CDKAL1: variants seen among roughly 807,000 people sequenced by gnomAD.
CDKAL1 encodes CDKAL1 threonylcarbamoyladenosine tRNA methylthiotransferase, also known as threonylcarbamoyladenosine tRNA methylthiotransferase.
In CDKAL1, 32 loss-of-function variants were observed where a neutral mutation model predicts 68.2. The observed-to-expected ratio is 0.47, with a 90% CI of 0.35 to 0.63. The LOEUF is 0.63. CDKAL1 is among the 30% of genes least tolerant of loss of function. CDKAL1 has a pLI of 0.00. For synonymous variants in CDKAL1, 234 were observed against 244.3 expected (o/e 0.96, Z 0.39); for missense variants, 606 against 696.7 (o/e 0.87, Z 1.47).
chr6:21,162,345 G>A (rs1776962053), intron 13 of CDKAL1, among the ~76,000 whole-genome samples: 1 of 152,028 alleles, frequency 6.6e-6, no homozygotes, highest in Admixed American at 6.6e-5. Flanking sequence ...TCTATTTGGG[G>A]TCATGGAAAT....
intron 9 of CDKAL1, among the ~76,000 whole-genome samples, chr6:20,848,276 G>GTTGTTTTTTTGGTT (rs1778450215): frequency 1.9e-4 from 2 of 10,780 alleles, no homozygotes; most frequent in South Asian, 8.6e-3. Flanking sequence ...TTGCTGGAAA[G>GTTGTTTTTTTGGTT]TTGTTTTTTT....
At chr6:20,708,256 C>T (rs1412515957) in intron 5 of CDKAL1, among the ~76,000 whole-genome samples, 5 of 152,232 alleles carry the variant, frequency 3.3e-5, no homozygotes, top group African/African-American at 9.6e-5. Context: ...TTTAATAGTA[C>T]GGAAAGAAAT....
intron 11 of CDKAL1, among the ~76,000 whole-genome samples, chr6:21,062,329 G>A (rs1771184736): frequency 6.6e-6 from 1 of 152,098 alleles, no homozygotes; most frequent in Admixed American, 6.5e-5. Flanking sequence ...ATTTTTAGCT[G>A]TAGACCTTTT....
intron 9 of CDKAL1, among the ~76,000 whole-genome samples, chr6:20,888,029 G>T (rs1259401504): frequency 6.6e-6 from 1 of 151,822 alleles, no homozygotes; most frequent in Non-Finnish European, 1.5e-5. Context: ...ACAATGTGCA[G>T]GTTTGTTACT....
intron 11 of CDKAL1, among the ~76,000 whole-genome samples, chr6:21,002,324 A>G (rs1767469313): frequency 6.6e-6 from 1 of 152,134 alleles, no homozygotes; most frequent in African/African-American, 2.4e-5. Context: ...GATCTCTAGT[A>G]TTTCTAGCAA....
chr6:20,904,470 G>T (rs1001530127), intron 9 of CDKAL1, among the ~76,000 whole-genome samples: 1 of 152,046 alleles, frequency 6.6e-6, no homozygotes, highest in Non-Finnish European at 1.5e-5. Flanking sequence ...CAAAGCAACT[G>T]GACACGTATG....
In CDKAL1 at chr6:20,730,419, AAAGAAAGG is replaced by A. The variant is rs368674416; in HGVS notation, c.372-9092_372-9085del. Among the ~76,000 whole-genome samples, 677 of 150,564 alleles carry A rather than the reference AAAGAAAGG, an allele frequency of 4.5e-3. 4 individuals carry two copies. Among genetic ancestry groups the A allele is most frequent in the African/African-American group, 0.015 (624 of 41,226 alleles). On this transcript the variant is annotated intron_variant, in intron 5 of 15. Transcript: ENST00000274695. ...AGAAAGGAAGAAAGAGAAAGAAAGAAAAGAAAGGAAGAAAGAAAGAGAAAGAAAAGAAA... is the reference window on the plus strand; with the variant it reads ...AGAAAGGAAGAAAGAGAAAGAAAGAAAAGAAAGAAAGAGAAAGAAAAGAAA...
intron 9 of CDKAL1, among the ~76,000 whole-genome samples, chr6:20,897,086 C>T (rs766148531): frequency 1.3e-5 from 2 of 152,114 alleles, no homozygotes; most frequent in Non-Finnish European, 2.9e-5. Flanking sequence ...CATGAAGGCA[C>T]GCTCTTGCCT....
intron 5 of CDKAL1, among the ~76,000 whole-genome samples, chr6:20,674,259 T>A (rs1769985349): frequency 6.6e-6 from 1 of 152,204 alleles, no homozygotes; most frequent in African/African-American, 2.4e-5. Flanking sequence ...TTGTCCAGTT[T>A]GTCTTTTGTC....
chr6:20,820,739 A>G (rs959597287), intron 8 of CDKAL1, among the ~76,000 whole-genome samples: 2 of 152,058 alleles, frequency 1.3e-5, no homozygotes, highest in African/African-American at 4.8e-5. Context: ...ACTTTCTTTC[A>G]TATATTCAAA....
intron 5 of CDKAL1, among the ~76,000 whole-genome samples, chr6:20,656,617 T>C (rs1769038456): frequency 6.6e-6 from 1 of 152,180 alleles, no homozygotes; most frequent in Non-Finnish European, 1.5e-5. Context: ...ATAGTTTCTG[T>C]GATTATCAAC....
At chr6:20,672,863 GC>G (rs1340453959) in intron 5 of CDKAL1, among the ~76,000 whole-genome samples, 1 of 151,538 alleles carries the variant, frequency 6.6e-6, no homozygotes, top group Non-Finnish European at 1.5e-5. Flanking sequence ...TGCAGCCTCT[GC>G]CCCCCGGGTT....
intron 9 of CDKAL1, among the ~76,000 whole-genome samples, chr6:20,855,761 G>T (rs981768675): frequency 1.3e-5 from 2 of 151,958 alleles, no homozygotes; most frequent in African/African-American, 4.8e-5. Context: ...GTTTCATATT[G>T]TATATATTAG....
chr6:20,800,455 G>A (rs1352247247), intron 8 of CDKAL1: 1 of 152,158 alleles, frequency 6.6e-6, no homozygotes, highest in Non-Finnish European at 1.5e-5. Context: ...GTGGGGAAGG[G>A]AGGAATTGCA....
chr6:20,814,490 G>T (rs111766829), intron 8 of CDKAL1, among the ~76,000 whole-genome samples: 2,404 of 152,224 alleles, frequency 0.016, 30 homozygotes, highest in Non-Finnish European at 0.023. Context: ...ATGTTGGCCA[G>T]CCTGGTCTCG....
chr6:21,224,132 C>T (rs1000823460), intron 15 of CDKAL1, among the ~76,000 whole-genome samples: 1 of 152,112 alleles, frequency 6.6e-6, no homozygotes, highest in Non-Finnish European at 1.5e-5. Flanking sequence ...ATGTCCCCCA[C>T]CCAAAGATGT....
chr6:20,734,863 C>CTT (rs34104100), intron 5 of CDKAL1, among the ~76,000 whole-genome samples: 2,833 of 87,596 alleles, frequency 0.032, 122 homozygotes, highest in African/African-American at 0.047. Context: ...TGCTGCACCT[C>CTT]TTTTTTTTTT....
At chr6:20,861,229 G>A (rs1759608733) in intron 9 of CDKAL1, among the ~76,000 whole-genome samples, 1 of 152,168 alleles carries the variant, frequency 6.6e-6, no homozygotes, top group South Asian at 2.1e-4. Context: ...AAAACAAAGA[G>A]ATCTGATTCA....
At chr6:21,173,663 T>G (rs1023355911) in intron 13 of CDKAL1, among the ~76,000 whole-genome samples, 3 of 152,198 alleles carry the variant, frequency 2.0e-5, no homozygotes, top group African/African-American at 7.2e-5. Context: ...CATGGAAATT[T>G]TGGTCTACCA....
Sources: gnomAD v4.1 joint callset for allele counts (sites outside exome capture counted in the v4.1 genomes callset) on GRCh38, gnomAD v4.1.1 for gene constraint, MANE v1.5 for transcripts, NCBI Gene and HGNC (gene_info 2026-07-23, HGNC 2026-07-21) for gene names.